ABCC9: variants seen among roughly 807,000 people sequenced by gnomAD.
ABCC9 encodes the protein ATP binding cassette subfamily C member 9.
Under a neutral mutation model 188.3 loss-of-function variants are expected in ABCC9, and 95 were observed. That is an observed-to-expected ratio of 0.50 (90% confidence interval 0.43 to 0.60). The LOEUF (loss-of-function observed/expected upper bound fraction) is 0.60. ABCC9 is among the 20% of genes least tolerant of loss of function. The pLI is 0.00. For missense variants in ABCC9, 1,102 were observed against 1,876.3 expected (o/e 0.59, Z 7.62); for synonymous variants, 659 against 652.7 (o/e 1.01, Z -0.15).
At chr12:21,841,347 CTTTTTTTTT>C (rs1174314931) in intron 29 of ABCC9, among the ~76,000 whole-genome samples, 14 of 19,600 alleles carry the variant, frequency 7.1e-4, no homozygotes, top group African/African-American at 3.4e-3. Context: ...TTCTGGTTTC[CTTTTTTTTT>C]TTTTTTTTTT....
chr12:21,838,610 G>A (rs981923690), intron 29 of ABCC9, among the ~76,000 whole-genome samples: 1 of 152,172 alleles, frequency 6.6e-6, no homozygotes, highest in Non-Finnish European at 1.5e-5. Flanking sequence ...AGTTCAATCT[G>A]TCTGGTGCCC....
intron 31 of ABCC9, among the ~76,000 whole-genome samples, chr12:21,824,629 T>C (rs1383585148): frequency 6.6e-6 from 1 of 152,200 alleles, no homozygotes; most frequent in Non-Finnish European, 1.5e-5. Flanking sequence ...CCTGGGCTTT[T>C]TTTGGTTGGT....
At chr12:21,823,236 C>T (rs1591986942) in intron 31 of ABCC9, among the ~76,000 whole-genome samples, 1 of 152,162 alleles carries the variant, frequency 6.6e-6, no homozygotes, top group African/African-American at 2.4e-5. Flanking sequence ...CCAGAAGATT[C>T]CCATGTCGAA....
At position 21,844,362 on chromosome 12, in the gene ABCC9, G is replaced by A. The variant is rs1944526367; in HGVS notation, c.3315+121C>T. 3.7e-6 allele frequency: 3 copies of A among 804,860 alleles called. No homozygotes were observed. The South Asian group carries it at 4.5e-5, about 12-fold the overall frequency. 49.9% of individuals were successfully genotyped at this position (804,860 alleles called of 1,614,324 possible). A position where few individuals can be genotyped will look rare whatever the true frequency, so the allele number is the denominator to read the frequency against. On this transcript the variant is annotated intron_variant, in intron 28 of 39. Coordinates refer to ENST00000261200, the MANE Select transcript of ABCC9 (RefSeq NM_020297.4). ...GCATGTATTGATACAAATACAAATGGGCCTTTATTTAAATTTCAGAAATCC... is the reference window on the plus strand; with the variant it reads ...GCATGTATTGATACAAATACAAATGAGCCTTTATTTAAATTTCAGAAATCC...
At chr12:21,902,968 C>A (rs1947844165) in intron 12 of ABCC9, among the ~76,000 whole-genome samples, 1 of 152,126 alleles carries the variant, frequency 6.6e-6, no homozygotes, top group Non-Finnish European at 1.5e-5. Flanking sequence ...GATACCAAAG[C>A]CTGGCAGAGA....
At chr12:21,923,533 T>C in intron 5 of ABCC9, 1 of 308,138 alleles carries the variant, frequency 3.2e-6, no homozygotes, top group Non-Finnish European at 6.0e-6. Flanking sequence ...TCAAAGAGTG[T>C]TCAACATAAT....
At chr12:21,805,092 G>C (rs1476123697) in intron 39 of ABCC9, 1 of 1,588,962 alleles carries the variant, frequency 6.3e-7, no homozygotes, top group Non-Finnish European at 8.6e-7. Flanking sequence ...TTTATTCACA[G>C]CATTAGCCAT....
intron 39 of ABCC9, among the ~76,000 whole-genome samples, chr12:21,804,142 A>G (rs1345249692): frequency 6.6e-6 from 1 of 152,090 alleles, no homozygotes; most frequent in Non-Finnish European, 1.5e-5. Context: ...TAGGTATCCT[A>G]GTGGCCACGT....
intron 30 of ABCC9, among the ~76,000 whole-genome samples, chr12:21,832,179 A>G (rs920661692): frequency 6.6e-6 from 1 of 152,232 alleles, no homozygotes; most frequent in African/African-American, 2.4e-5. Context: ...AGACAAGAAA[A>G]AAATAGGAAA....
Position 21,910,829 on chromosome 12 carries a change from C to CAG in ABCC9, c.1159_1160dup (p.Leu388CysfsTer4). ...AGTATTCACAGCCTTTACATACCAG[C>CAG]AGAGCTCCACGGAGGTTAATGCCAG... On this transcript the variant is annotated frameshift_variant, in exon 9 of 40. Transcript: ENST00000261200. LOFTEE classifies it high-confidence loss of function. 1 of 1,611,068 alleles carries CAG rather than the reference C, an allele frequency of 6.2e-7. No individual in the cohort carries two copies. Among genetic ancestry groups the CAG allele is most frequent in the Non-Finnish European group, 8.5e-7 (1 of 1,177,522 alleles).
chr12:21,903,965 A>T (rs1947901221), intron 12 of ABCC9, among the ~76,000 whole-genome samples: 1 of 152,228 alleles, frequency 6.6e-6, no homozygotes, highest in Non-Finnish European at 1.5e-5. Flanking sequence ...AAGAGCCCAC[A>T]TTGCCAAGAC....
chr12:21,847,343 T>G (rs1944727862), intron 25 of ABCC9, among the ~76,000 whole-genome samples: 1 of 152,170 alleles, frequency 6.6e-6, no homozygotes, highest in East Asian at 1.9e-4. Context: ...TCATAGAAAT[T>G]GAAAGTAAAA....
intron 19 of ABCC9, 63 bp downstream of exon 19, chr12:21,864,376 A>G: frequency 8.5e-7 from 1 of 1,172,262 alleles, no homozygotes; most frequent in Non-Finnish European, 1.3e-6. Flanking sequence ...ATGAGATTAA[A>G]GAGATTAAAG....
intron 2 of ABCC9, among the ~76,000 whole-genome samples, chr12:21,937,552 G>A (rs1949537428): frequency 6.6e-6 from 1 of 152,064 alleles, no homozygotes; most frequent in Non-Finnish European, 1.5e-5. Context: ...CATGTTAAAT[G>A]GTTCTCTATT....
intron 5 of ABCC9, 64 bp downstream of exon 5, chr12:21,925,878 T>C (rs1413749031): frequency 6.5e-7 from 1 of 1,542,172 alleles, no homozygotes; most frequent in African/African-American, 1.4e-5. Context: ...AAAAGAAAAA[T>C]AACCCTTTGG....
At chr12:21,835,692 G>GC (rs1461405221) in intron 30 of ABCC9, among the ~76,000 whole-genome samples, 13 of 151,970 alleles carry the variant, frequency 8.6e-5, no homozygotes, top group African/African-American at 3.1e-4. Context: ...AAATTTTTCT[G>GC]CAAGCTCCTC....
At chr12:21,864,213 G>T (rs1335165567) in intron 19 of ABCC9, among the ~76,000 whole-genome samples, 2 of 152,090 alleles carry the variant, frequency 1.3e-5, no homozygotes, top group Non-Finnish European at 2.9e-5. Context: ...GTTGGGACAC[G>T]TGTGACTCAG....
intron 18 of ABCC9, among the ~76,000 whole-genome samples, chr12:21,871,813 C>T (rs191325023): frequency 6.6e-6 from 1 of 152,222 alleles, no homozygotes; most frequent in East Asian, 1.9e-4. Flanking sequence ...CCAGACATTG[C>T]CAAATGTCCC....
chr12:21,906,165 A>ACCC lies in ABCC9; in HGVS notation c.1578_1579insGGG (p.Leu526_Ser527insGly). On this transcript the variant is annotated inframe_insertion, in exon 12 of 40. Transcript: ENST00000261200. Reference sequence around the variant, plus strand: ...TATAGTGCAAAGGTTTTGAGACTAGATAGTTCTTTCATTCTTGTTTCCTCC... The same window carrying ACCC: ...TATAGTGCAAAGGTTTTGAGACTAGACCCTAGTTCTTTCATTCTTGTTTCCTCC... The ACCC allele has an allele frequency of 6.2e-7, 1 of 1,613,250 alleles. No individual in the cohort carries two copies. The highest frequency in any genetic ancestry group is 8.5e-7 in the Non-Finnish European group (1 of 1,179,360).
Sources: gnomAD v4.1 joint callset for allele counts (sites outside exome capture counted in the v4.1 genomes callset) on GRCh38, gnomAD v4.1.1 for gene constraint, MANE v1.5 for transcripts, NCBI Gene and HGNC (gene_info 2026-07-23, HGNC 2026-07-21) for gene names.